The following FOXP1 variants were observed in gnomAD, a reference collection of about 807,000 sequenced individuals.
FOXP1 encodes forkhead box protein P1.
FOXP1 carries 15 observed loss-of-function variants against 98.2 expected under a neutral mutation model. The ratio of observed to expected loss-of-function variants is 0.15; its 90% CI spans 0.10 to 0.24. FOXP1 has a LOEUF of 0.24. Among genes scored for constraint, FOXP1 ranks in the 10% least tolerant of loss-of-function variants. FOXP1 has a pLI of 1.00. For synonymous variants in FOXP1, 371 were observed against 314.5 expected (o/e 1.18, Z -1.90); for missense variants, 633 against 848.5 (o/e 0.75, Z 3.15).
chr3:71,001,946 C>T (rs2042175881), intron 12 of FOXP1, among the ~76,000 whole-genome samples: 1 of 152,180 alleles, frequency 6.6e-6, no homozygotes, highest in African/African-American at 2.4e-5. Context: ...ATGAACAAGA[C>T]TGTCATGATA....
chr3:71,331,477 G>A (rs2076304513), intron 4 of FOXP1, among the ~76,000 whole-genome samples: 2 of 152,186 alleles, frequency 1.3e-5, no homozygotes, highest in South Asian at 4.1e-4. Flanking sequence ...GGGCTGAGGA[G>A]TGCGGGCGCA....
chr3:71,261,135 C>T (rs968539885), intron 5 of FOXP1, among the ~76,000 whole-genome samples: 1 of 152,166 alleles, frequency 6.6e-6, no homozygotes, highest in Non-Finnish European at 1.5e-5. Flanking sequence ...GGGTATTACA[C>T]AACCTATCAT....
intron 3 of FOXP1, among the ~76,000 whole-genome samples, chr3:71,369,087 T>C (rs2079110943): frequency 6.6e-6 from 1 of 152,170 alleles, no homozygotes; most frequent in Admixed American, 6.5e-5. Flanking sequence ...CCATGTCTTT[T>C]TTTTTTTGAA....
At chr3:71,324,202 C>T (rs1045100849) in intron 4 of FOXP1, among the ~76,000 whole-genome samples, 1 of 152,060 alleles carries the variant, frequency 6.6e-6, no homozygotes, top group Non-Finnish European at 1.5e-5. Context: ...ATTAAAGACA[C>T]ACACATGTTG....
chr3:71,372,470 C>T (rs1360623023), intron 3 of FOXP1, among the ~76,000 whole-genome samples: 1 of 152,174 alleles, frequency 6.6e-6, no homozygotes, highest in Non-Finnish European at 1.5e-5. Flanking sequence ...GTTTCACTTG[C>T]ACTCTCTGCT....
intron 5 of FOXP1, among the ~76,000 whole-genome samples, chr3:71,222,356 T>C (rs1352644563): frequency 6.6e-6 from 1 of 152,196 alleles, no homozygotes; most frequent in Non-Finnish European, 1.5e-5. Flanking sequence ...ATGGCTTCCC[T>C]GATAGCACAT....
At chr3:71,465,404 C>G (rs962285015) in intron 3 of FOXP1, among the ~76,000 whole-genome samples, 2 of 151,584 alleles carry the variant, frequency 1.3e-5, no homozygotes, top group African/African-American at 4.8e-5. Context: ...GAAGTGGAGA[C>G]TAATATGATC....
chr3:70,973,531 A>C (rs549484448), intron 17 of FOXP1, among the ~76,000 whole-genome samples: 1 of 152,152 alleles, frequency 6.6e-6, no homozygotes, highest in Non-Finnish European at 1.5e-5. Flanking sequence ...AGAGCTTTTA[A>C]TATCTCATCT....
intron 3 of FOXP1, among the ~76,000 whole-genome samples, chr3:71,365,434 G>C (rs1164391761): frequency 6.8e-6 from 1 of 146,594 alleles, no homozygotes; most frequent in Non-Finnish European, 1.5e-5. Context: ...AAAAATCCAA[G>C]GAATACTTGC....
chr3:71,448,316 G>T (rs936524123), intron 3 of FOXP1, among the ~76,000 whole-genome samples: 1 of 152,190 alleles, frequency 6.6e-6, no homozygotes, highest in African/African-American at 2.4e-5. Context: ...TGCGAAAACA[G>T]TATGGGCACT....
At chr3:71,055,186 G>A (rs2050453872) in intron 7 of FOXP1, among the ~76,000 whole-genome samples, 1 of 152,154 alleles carries the variant, frequency 6.6e-6, no homozygotes, top group Non-Finnish European at 1.5e-5. Flanking sequence ...ATGCACTGAT[G>A]TCCCGATTTC....
chr3:71,190,009 G>T (rs1222206022), intron 6 of FOXP1, among the ~76,000 whole-genome samples: 2 of 152,224 alleles, frequency 1.3e-5, no homozygotes, highest in African/African-American at 2.4e-5. Context: ...CAGACCAACT[G>T]CAGTAGCGCT....
chr3:71,474,945 G>A (rs1364786714), intron 3 of FOXP1, among the ~76,000 whole-genome samples: 1 of 152,090 alleles, frequency 6.6e-6, no homozygotes, highest in Non-Finnish European at 1.5e-5. Context: ...GAGAACTGCT[G>A]TAGTTTACAG....
At chr3:71,481,948 C>T (rs2090309687) in intron 3 of FOXP1, among the ~76,000 whole-genome samples, 1 of 152,136 alleles carries the variant, frequency 6.6e-6, no homozygotes, top group Non-Finnish European at 1.5e-5. Context: ...GTTTCCCCTG[C>T]CCTGACTTCC....
chr3:71,053,586 GC>G (rs2107133327), intron 8 of FOXP1, 49 bp downstream of exon 8: 1 of 1,611,004 alleles, frequency 6.2e-7, no homozygotes, highest in African/African-American at 1.3e-5. Flanking sequence ...AGTGATGGGG[GC>G]CCCTGGGTTC....
At chr3:71,457,873 C>T (rs1238940705) in intron 3 of FOXP1, among the ~76,000 whole-genome samples, 1 of 152,196 alleles carries the variant, frequency 6.6e-6, no homozygotes, top group Non-Finnish European at 1.5e-5. Context: ...GCAAAACACA[C>T]TCCGCTTCCC....
intron 2 of FOXP1, among the ~76,000 whole-genome samples, chr3:71,509,687 G>T (rs1223144326): frequency 1.3e-5 from 2 of 152,240 alleles, no homozygotes; most frequent in East Asian, 3.9e-4. Flanking sequence ...TTCAAGACCA[G>T]CCTGGGCAAC....
chr3:71,312,733 C>G (rs1410574586), intron 4 of FOXP1, among the ~76,000 whole-genome samples: 1 of 152,188 alleles, frequency 6.6e-6, no homozygotes, highest in Admixed American at 6.5e-5. Flanking sequence ...ACCTGTAAAT[C>G]CAGCACTCTG....
At chr3:71,280,122 CAAACAA>C (rs1332407734) in intron 5 of FOXP1, among the ~76,000 whole-genome samples, 3 of 26,118 alleles carry the variant, frequency 1.1e-4, no homozygotes, top group African/African-American at 4.7e-4. Context: ...GACTCTGTCT[CAAACAA>C]AAAAAAAAAA....
Sources: allele counts gnomAD v4.1 joint callset (sites outside exome capture counted in the v4.1 genomes callset), GRCh38; gene constraint gnomAD v4.1.1; transcripts MANE v1.5; gene names NCBI Gene and HGNC (gene_info 2026-07-23, HGNC 2026-07-21).